The following BCAN variants were observed in gnomAD, a reference collection of about 807,000 sequenced individuals.
BCAN encodes the protein brevican, also known as brevican core protein.
Under a neutral mutation model 92.4 loss-of-function variants are expected in BCAN, and 51 were observed. The ratio of observed to expected loss-of-function variants is 0.55; its 90% CI spans 0.44 to 0.70. The LOEUF (loss-of-function observed/expected upper bound fraction) is 0.70, where lower values mean the gene tolerates loss of function less well. Ranked by LOEUF, BCAN falls within the 30% of genes least tolerant of loss-of-function variation. The pLI, the probability that BCAN is intolerant of heterozygous loss-of-function variation, is 0.00. For missense variants in BCAN, 1,140 were observed against 1,212.1 expected, an observed-to-expected ratio of 0.94 and a Z score of 0.88; for synonymous variants, 501 against 505.2, an observed-to-expected ratio of 0.99 and a Z score of 0.11.
In BCAN at chr1:156,648,654, A is replaced by G; in HGVS notation, c.856A>G (p.Thr286Ala). Residue 286 changes from threonine (T) to alanine (A), a missense_variant, in exon 6 of 14, where the codon ACC becomes GCC. Physicochemically the swap from Thr to Ala is moderately conservative, Grantham distance 58. Coordinates refer to ENST00000329117, the MANE Select transcript of BCAN (RefSeq NM_021948.5). ...CCAGGAGCGGGGTGCAGAGATTGCC[A>G]CCACGGGCCAACTGTATGCAGCCTG... is the stretch of plus-strand genomic sequence containing the variant. ...YCQERGAEIA[T>A]TGQLYAAWDG... 6.2e-7 allele frequency: 1 copy of G among 1,613,170 alleles called. No homozygotes were observed. The highest frequency in any genetic ancestry group is 1.1e-5 in the South Asian group (1 of 91,066).
rs748423092 is a variant in BCAN, at chr1:156,648,647, G to C, written c.849G>C (p.Glu283Asp). ...ARAYCQERGA[E>D]IATTGQLYAA... is the part of the protein sequence containing the mutation. ...CGTACTGCCAGGAGCGGGGTGCAGA[G>C]ATTGCCACCACGGGCCAACTGTATG... is the stretch of plus-strand genomic sequence containing the variant. Residue 283 changes from glutamate to aspartate, a missense_variant, in exon 6 of 14, where the codon GAG becomes GAC. Glu to Asp is a conservative substitution (Grantham distance 45). This residue lies in a region of BCAN where 825 missense variants were observed against 871.8 expected (regional missense o/e 0.95). Transcript: ENST00000329117. 3.1e-6 allele frequency: 5 copies of C among 1,613,032 alleles called. No individual in the cohort carries two copies. The highest frequency in any genetic ancestry group is 3.4e-6 in the Non-Finnish European group (4 of 1,179,192).
At position 156,656,919 on chromosome 1, in the gene BCAN, C is replaced by G; in HGVS notation, c.2051-19C>G. On this transcript the variant is annotated intron_variant, in intron 9 of 13. Transcript: ENST00000329117. ...TCTGGGTTTTGGGGCCCTAAGATGC[C>G]CGCCCTTATGTGCCGCAGGCCTCCG... The G allele has an allele frequency of 6.2e-7, 1 of 1,609,118 alleles. No homozygotes were observed. The highest frequency in any genetic ancestry group is 8.5e-7 in the Non-Finnish European group (1 of 1,176,476).
chr1:156,648,229 G>A lies in BCAN; in HGVS notation c.769+119G>A, dbSNP rs1158826854. On this transcript the variant is annotated intron_variant, in intron 5 of 13. Coordinates refer to ENST00000329117, the MANE Select transcript of BCAN (RefSeq NM_021948.5). ...CCTGAGTTTAAGGGGGCAAGCAGGA[G>A]TAAGGAGACAATTGGTGTCCCTCTC... 5.1e-6 allele frequency: 7 copies of A among 1,365,112 alleles called. No individual in the cohort carries two copies. The African/African-American group carries it at 1.0e-4, about 20-fold the overall frequency. 84.6% of individuals were successfully genotyped at this position (1,365,112 alleles called of 1,614,324 possible).
intron 8 of BCAN, 182 bp downstream of exon 8, chr1:156,653,074 G>T (rs1255736067): frequency 4.8e-6 from 7 of 1,471,464 alleles, no homozygotes; most frequent in Admixed American, 5.0e-5. Context: ...CACCTTGTGG[G>T]TATCTCAGCT....
intron 7 of BCAN, 113 bp from the exon 8 acceptor site, chr1:156,652,135 C>T: frequency 7.0e-7 from 1 of 1,422,172 alleles, no homozygotes; most frequent in Non-Finnish European, 9.5e-7. Context: ...GCGGTCTCTT[C>T]CCTATTCCCC....
In BCAN at chr1:156,652,748, G is replaced by A. The variant is rs150190291; in HGVS notation, c.1798G>A (p.Ala600Thr). 7.7e-4 allele frequency: 1,236 copies of A among 1,606,766 alleles called. 2 individuals are homozygous for A. The highest frequency in any genetic ancestry group is 8.9e-4 in the Non-Finnish European group (1,049 of 1,175,482). Residue 600 changes from alanine (A) to threonine (T), a missense_variant, in exon 8 of 14, where the codon GCC becomes ACC. Ala to Thr is a moderately conservative substitution (Grantham distance 58, BLOSUM62 0). Transcript: ENST00000329117. ...CCCTTCCCTGCTTCCAGCCACACGG[G>A]CCCCTGAGGGTACCAGGGAGCTGGA... ...GAPSLLPATR[A>T]PEGTRELEAP...
chr1:156,652,542 G>T lies in BCAN; in HGVS notation c.1592G>T (p.Arg531Met), dbSNP rs762347714. ...PLPDGESEAS[R>M]PPRVHGPPTE... ...CCTGATGGAGAGTCAGAAGCTTCCA[G>T]GCCTCCAAGGGTCCATGGACCACCT... The change falls in exon 8 of 14, where the codon AGG becomes ATG. Residue 531 changes from arginine to methionine, a missense_variant. Around this residue, in one of 3 missense-constraint regions of BCAN, gnomAD observed 825 missense variants for 871.8 expected, o/e 0.95. Coordinates refer to ENST00000329117, the MANE Select transcript of BCAN (RefSeq NM_021948.5). 2 of 1,613,654 alleles carry T rather than the reference G, an allele frequency of 1.2e-6. No individual in the cohort carries two copies. Among genetic ancestry groups the T allele is most frequent in the Admixed American group, 3.3e-5 (2 of 59,922 alleles).
intron 1 of BCAN, among the ~76,000 whole-genome samples, chr1:156,645,538 C>G (rs182894296): frequency 6.6e-6 from 1 of 152,018 alleles, no homozygotes; most frequent in South Asian, 2.1e-4. Flanking sequence ...GAGGCAGGGA[C>G]AGTCTAGAAG....
chr1:156,648,441 A>C, intron 5 of BCAN, 127 bp from the exon 6 acceptor site: 1 of 1,033,994 alleles, frequency 9.7e-7, no homozygotes, highest in East Asian at 2.4e-5. Flanking sequence ...TGATCCTATG[A>C]AGTAGAGTAG....
chr1:156,650,952 A>G (rs1679141547), intron 6 of BCAN, among the ~76,000 whole-genome samples: 1 of 152,186 alleles, frequency 6.6e-6, no homozygotes, highest in Admixed American at 6.5e-5. Flanking sequence ...AAAAAATAAA[A>G]GAATTTGGGG....
chr1:156,646,662 G>A (rs1678978907), intron 2 of BCAN, 139 bp from the exon 3 acceptor site: 11 of 1,379,444 alleles, frequency 8.0e-6, no homozygotes, highest in South Asian at 1.5e-5. Flanking sequence ...CCTGGCCCCT[G>A]GCCCCTGGCC....
chr1:156,657,318 G>A (rs1679368655), intron 10 of BCAN: 8 of 691,216 alleles, frequency 1.2e-5, no homozygotes, highest in Non-Finnish European at 1.4e-5. Flanking sequence ...GCGCAGTAGA[G>A]TGCGCCTGTG....
rs1679396430 is a variant in BCAN, at chr1:156,658,058, C to G, written c.2293-69C>G. ...GGCCCCGCTCACCAGCCCTCCTCCC[C>G]AGATCCTCTAGGCCCTCTCCCGGTG... On this transcript the variant is annotated intron_variant, in intron 11 of 13. Coordinates refer to ENST00000329117, the MANE Select transcript of BCAN (RefSeq NM_021948.5). The surrounding 1 kb of genome is among the most constrained non-coding windows in gnomAD (Gnocchi z 4.4). The G allele has an allele frequency of 1.9e-6, 3 of 1,561,660 alleles. No homozygotes were observed. The highest frequency in any genetic ancestry group is 2.6e-6 in the Non-Finnish European group (3 of 1,145,710).
At chr1:156,646,664 C>CCCCTGGT (rs924013553) in intron 2 of BCAN, 137 bp from the exon 3 acceptor site, 7 of 1,382,786 alleles carry the variant, frequency 5.1e-6, no homozygotes, top group Non-Finnish European at 5.7e-6. Flanking sequence ...TGGCCCCTGG[C>CCCCTGGT]CCCTGGCCCC....
rs746208474 is a variant in BCAN at position 156,658,099 on chromosome 1, C to A, written c.2293-28C>A. 4.4e-6 allele frequency: 7 copies of A among 1,608,998 alleles called. No homozygotes were observed. Among genetic ancestry groups the A allele is most frequent in the South Asian group, 1.1e-5 (1 of 89,960 alleles). The stretch of plus-strand genomic sequence containing the variant: ...TCTCCCGGTGCTCCTGGTGTAGGAG[C>A]TCCTCACCACCTCCTCCGTTCCCCC... On this transcript the variant is annotated intron_variant, in intron 11 of 13. Coordinates refer to ENST00000329117, the MANE Select transcript of BCAN (RefSeq NM_021948.5). This position sits in a 1 kb window ranked among gnomAD's most constrained non-coding sequence, Gnocchi z 4.4.
intron 9 of BCAN, 80 bp from the exon 10 acceptor site, chr1:156,656,858 T>A: frequency 6.4e-7 from 1 of 1,554,422 alleles, no homozygotes; most frequent in Non-Finnish European, 8.7e-7. Flanking sequence ...CCTGCGGTAG[T>A]GGAAGGAGAC....
rs1678830058 is a variant in BCAN at position 156,642,723 on chromosome 1, A to T, written c.-9+448A>T. 1 of 152,272 alleles carries T rather than the reference A, an allele frequency of 6.6e-6. No homozygotes were observed. The allele number at this position is 152,272 out of a possible 1,614,324, so 9.4% of individuals were successfully genotyped here. ...ACACCTTACTGTAGTCCGGCAGGAC[A>T]GCCGATCAGAGCCGCTCTAGGGGGT... On this transcript the variant is annotated intron_variant, in intron 1 of 13. Coordinates refer to ENST00000329117, the MANE Select transcript of BCAN (RefSeq NM_021948.5). This position sits in a 1 kb window ranked among gnomAD's most constrained non-coding sequence, Gnocchi z 4.2.
intron 10 of BCAN, 115 bp downstream of exon 10, chr1:156,657,211 G>T: frequency 7.6e-7 from 1 of 1,314,630 alleles, no homozygotes; most frequent in East Asian, 2.4e-5. Context: ...TCTCAAGCGT[G>T]CATTCCCTCA....
At position 156,652,257 on chromosome 1, in the gene BCAN, C is replaced by G. The variant is rs1679187970; in HGVS notation, c.1307C>G (p.Thr436Arg). 6.3e-7 allele frequency: 1 copy of G among 1,587,760 alleles called. No individual in the cohort carries two copies. Among genetic ancestry groups the G allele is most frequent in the Non-Finnish European group, 8.6e-7 (1 of 1,168,022 alleles). The change falls in exon 8 of 14, where the codon ACA (threonine) becomes AGA (arginine). Residue 436 changes from threonine (T) to arginine (R), a missense_variant. Physicochemically the swap from Thr to Arg is moderately conservative, Grantham distance 71 (BLOSUM62 -1). Transcript: ENST00000329117. ...TTTGTGCTTTGCCTAGAATTTGAAA[C>G]ACAATCCATGGTACCGCCCACGGGG... ...EAPRTLLEFETQSMVPPTGFS... is the reference protein window; with the variant it reads ...EAPRTLLEFERQSMVPPTGFS...
Sources: allele counts gnomAD v4.1 joint callset (sites outside exome capture counted in the v4.1 genomes callset), GRCh38; gene constraint gnomAD v4.1.1; regional missense constraint gnomAD v4.1.1; non-coding constraint Gnocchi (gnomAD v3.1); transcripts MANE v1.5; gene names NCBI Gene and HGNC (gene_info 2026-07-23, HGNC 2026-07-21).